The following CCL17 variants were observed in gnomAD, a reference collection of about 807,000 sequenced individuals.
CCL17 encodes the protein C-C motif chemokine ligand 17, also known as C-C motif chemokine 17.
A neutral mutation model predicts 7.4 loss-of-function variants in CCL17; 8 were observed. The ratio of observed to expected loss-of-function variants is 1.09; its 90% CI spans 0.64 to 1.96. CCL17 has a LOEUF of 1.96. Ranked by LOEUF, CCL17 falls within the 30% of genes most tolerant of loss-of-function variation. The pLI is 0.00. For synonymous variants in CCL17, 40 were observed against 46.1 expected (o/e 0.87, Z 0.54); for missense variants, 102 against 113.0 (o/e 0.90, Z 0.44).
chr16:57,403,622 T>TA (rs1284980379), upstream of CCL17, among the ~76,000 whole-genome samples: 6 of 77,498 alleles, frequency 7.7e-5, no homozygotes, highest in South Asian at 3.4e-4. Context: ...ATATTTATAA[T>TA]ATATATTATA....
chr16:57,408,478 C>A (rs1247138471), intron 1 of CCL17, among the ~76,000 whole-genome samples: 1 of 152,182 alleles, frequency 6.6e-6, no homozygotes, highest in Non-Finnish European at 1.5e-5. Flanking sequence ...GTGGTACAAT[C>A]ATGGCTCACT....
chr16:57,401,459 G>C (rs1372516321), upstream of CCL17, among the ~76,000 whole-genome samples: 1 of 151,688 alleles, frequency 6.6e-6, no homozygotes, highest in Non-Finnish European at 1.5e-5. Context: ...TGGAGGTAGA[G>C]GTTGCAGTGA....
intron 1 of CCL17, 80 bp from the exon 2 acceptor site, chr16:57,413,794 G>A (rs1902822220): frequency 1.6e-6 from 1 of 606,486 alleles, no homozygotes. Context: ...TCTAGGGAAG[G>A]ATGTGAGGAG....
chr16:57,414,947 T>C, intron 2 of CCL17, 134 bp from the exon 3 acceptor site: 2 of 702,472 alleles, frequency 2.8e-6, no homozygotes, highest in Non-Finnish European at 2.6e-6. Context: ...TAGGCAGTGA[T>C]ACACATGCAG....
intron 2 of CCL17, among the ~76,000 whole-genome samples, chr16:57,414,410 C>CT (rs71152269): frequency 0.66 from 49,850 of 75,984 alleles, 20,888 homozygotes; most frequent in Non-Finnish European, 0.77. Flanking sequence ...AAAAAGGATT[C>CT]TTTTTTTTTT....
chr16:57,410,582 G>A (rs1051075553), intron 1 of CCL17, among the ~76,000 whole-genome samples: 6 of 152,130 alleles, frequency 3.9e-5, no homozygotes, highest in African/African-American at 1.4e-4. Context: ...CAGACCTCCA[G>A]GTCCTAGAAT....
chr16:57,402,680 A>G (rs1371217439), upstream of CCL17, among the ~76,000 whole-genome samples: 1 of 152,146 alleles, frequency 6.6e-6, no homozygotes, highest in African/African-American at 2.4e-5. Flanking sequence ...ACTCATTTAC[A>G]AGGCTTGAGT....
At chr16:57,398,344 A>C in the CCL17 span, among the ~76,000 whole-genome samples, 1 of 152,214 alleles carries the variant, frequency 6.6e-6, no homozygotes, top group Non-Finnish European at 1.5e-5. Context: ...GAGTCTGAGT[A>C]AGGACTCCAA....
chr16:57,397,926 G>T, the CCL17 span, among the ~76,000 whole-genome samples: 4 of 152,102 alleles, frequency 2.6e-5, no homozygotes, highest in Admixed American at 1.3e-4. Context: ...TCAGCATATA[G>T]GTTAAGGTCA....
chr16:57,411,523 G>A (rs185260348), intron 1 of CCL17, among the ~76,000 whole-genome samples: 66 of 152,350 alleles, frequency 4.3e-4, no homozygotes, highest in Admixed American at 3.9e-3. Context: ...CCCAGTGGCC[G>A]GGACTGCAGC....
intron 2 of CCL17, 23 bp downstream of exon 2, chr16:57,414,025 CA>C (rs773284306): frequency 3.0e-5 from 48 of 1,601,092 alleles, no homozygotes; most frequent in South Asian, 5.6e-5. Context: ...GACAGGTGGC[CA>C]GGGGCAGGCA....
intron 1 of CCL17, among the ~76,000 whole-genome samples, chr16:57,413,302 G>A (rs1233575128): frequency 6.6e-6 from 1 of 152,200 alleles, no homozygotes; most frequent in Admixed American, 6.5e-5. Context: ...GCCTCTCGGA[G>A]GCAGATAAAG....
chr16:57,412,079 A>C (rs1902793189), intron 1 of CCL17, among the ~76,000 whole-genome samples: 1 of 152,206 alleles, frequency 6.6e-6, no homozygotes, highest in African/African-American at 2.4e-5. Flanking sequence ...AAGCAGAGGA[A>C]TGTTGGTGCG....
chr16:57,403,981 G>T (rs531306835), upstream of CCL17, among the ~76,000 whole-genome samples: 6 of 152,116 alleles, frequency 3.9e-5, no homozygotes, highest in South Asian at 8.3e-4. Flanking sequence ...AAAGGTGAAG[G>T]AGTGAGTCCT....
At chr16:57,396,267 G>T in the CCL17 span, among the ~76,000 whole-genome samples, 1 of 152,334 alleles carries the variant, frequency 6.6e-6, no homozygotes, top group South Asian at 2.1e-4. Context: ...CTAAGGTGCA[G>T]GTGCCTGTCC....
At chr16:57,397,901 G>A in the CCL17 span, among the ~76,000 whole-genome samples, 256 of 152,186 alleles carry the variant, frequency 1.7e-3, 1 homozygote, top group Non-Finnish European at 2.9e-3. Context: ...CCCATTCTCC[G>A]CAAATGAACT....
chr16:57,410,725 T>G (rs768408074), intron 1 of CCL17, among the ~76,000 whole-genome samples: 1 of 152,218 alleles, frequency 6.6e-6, no homozygotes, highest in Non-Finnish European at 1.5e-5. Flanking sequence ...GGTTAATCCC[T>G]GGAGAGGAAA....
intron 1 of CCL17, among the ~76,000 whole-genome samples, chr16:57,408,702 G>A (rs1160452167): frequency 6.6e-6 from 1 of 151,638 alleles, no homozygotes. Context: ...CCGAGCAGCT[G>A]GGATTACAGG....
chr16:57,398,156 A>G, the CCL17 span, among the ~76,000 whole-genome samples: 1 of 152,156 alleles, frequency 6.6e-6, no homozygotes, highest in Non-Finnish European at 1.5e-5. Context: ...TTTGGCACCT[A>G]GTATGCCATT....
Sources: allele counts gnomAD v4.1 joint callset (sites outside exome capture counted in the v4.1 genomes callset), GRCh38; gene constraint gnomAD v4.1.1; transcripts MANE v1.5; gene names NCBI Gene and HGNC (gene_info 2026-07-23, HGNC 2026-07-21).